Variants in XKR4 observed in about 807,000 individuals in gnomAD.
The protein encoded by XKR4 is XK related 4.
In XKR4, 12 loss-of-function variants were observed where a neutral mutation model predicts 53.9. The observed-to-expected ratio is 0.22, with a 90% CI of 0.14 to 0.36. The LOEUF (loss-of-function observed/expected upper bound fraction) is 0.36, where lower values mean the gene tolerates loss of function less well. Among genes scored for constraint, XKR4 ranks in the 10% least tolerant of loss-of-function variants. The pLI, the probability that XKR4 is intolerant of heterozygous loss-of-function variation, is 1.00. For synonymous variants in XKR4, 354 were observed against 362.4 expected (o/e 0.98, Z 0.26); for missense variants, 799 against 859.5 (o/e 0.93, Z 0.88).
chr8:55,349,649 A>G (rs1803699486), intron 1 of XKR4, among the ~76,000 whole-genome samples: 1 of 152,224 alleles, frequency 6.6e-6, no homozygotes, highest in South Asian at 2.1e-4. Context: ...AAATCACAGA[A>G]TAATAAATAC....
chr8:55,506,531 A>G (rs1041141997), intron 2 of XKR4, among the ~76,000 whole-genome samples: 1 of 152,194 alleles, frequency 6.6e-6, no homozygotes, highest in African/African-American at 2.4e-5. Flanking sequence ...TCAACACCCC[A>G]TCTTCCACCT....
At chr8:55,453,600 G>A in intron 2 of XKR4, 1 of 408,174 alleles carries the variant, frequency 2.4e-6, no homozygotes, top group South Asian at 2.0e-5. Context: ...ATGGCTAGGG[G>A]TGCACCTTGC....
At chr8:55,273,050 G>T (rs1380109937) in intron 1 of XKR4, 1 of 355,564 alleles carries the variant, frequency 2.8e-6, no homozygotes, top group Admixed American at 4.1e-5. Flanking sequence ...TTCAATGGAA[G>T]AAAACATTAC....
intron 2 of XKR4, among the ~76,000 whole-genome samples, chr8:55,446,002 A>G (rs1805341124): frequency 6.6e-6 from 1 of 152,196 alleles, no homozygotes; most frequent in Non-Finnish European, 1.5e-5. Context: ...TGTGTGAGCC[A>G]TTTCTGTCTG....
chr8:55,236,514 A>G (rs116934351), intron 1 of XKR4, among the ~76,000 whole-genome samples: 4,934 of 152,264 alleles, frequency 0.032, 119 homozygotes, highest in Non-Finnish European at 0.052. Flanking sequence ...AGGCTGGCCC[A>G]CAGAGCTGTC....
At chr8:55,495,482 T>C (rs1848087) in intron 2 of XKR4, among the ~76,000 whole-genome samples, 71,709 of 152,078 alleles carry the variant, frequency 0.47, 18,528 homozygotes, top group African/African-American at 0.69. Context: ...TCCAGGTTCT[T>C]GCTGTGCCCC....
chr8:55,418,638 A>G (rs1450471254), intron 2 of XKR4, among the ~76,000 whole-genome samples: 1 of 152,120 alleles, frequency 6.6e-6, no homozygotes, highest in Non-Finnish European at 1.5e-5. Context: ...CTGTGAAAAC[A>G]CAAAGCCAGT....
intron 1 of XKR4, among the ~76,000 whole-genome samples, chr8:55,288,562 T>C (rs4738044): frequency 0.36 from 54,645 of 152,108 alleles, 12,025 homozygotes; most frequent in Non-Finnish European, 0.49. Flanking sequence ...TTGGAGAATA[T>C]TTAAGCTCAG....
chr8:55,485,913 A>T (rs1806183160), intron 2 of XKR4, among the ~76,000 whole-genome samples: 1 of 152,206 alleles, frequency 6.6e-6, no homozygotes, highest in African/African-American at 2.4e-5. Flanking sequence ...GCCCAAAAAC[A>T]TAATTCTGGA....
At chr8:55,185,873 A>G (rs1293170137) in intron 1 of XKR4, among the ~76,000 whole-genome samples, 1 of 152,204 alleles carries the variant, frequency 6.6e-6, no homozygotes, top group African/African-American at 2.4e-5. Flanking sequence ...TGGGGACTTC[A>G]TGCAGTCAAA....
At chr8:55,360,067 C>A (rs1280557992) in intron 2 of XKR4, among the ~76,000 whole-genome samples, 1 of 152,096 alleles carries the variant, frequency 6.6e-6, no homozygotes, top group Non-Finnish European at 1.5e-5. Flanking sequence ...CCAAAGGTGG[C>A]CAAAAGACAG....
intron 1 of XKR4, among the ~76,000 whole-genome samples, chr8:55,163,778 T>G (rs1042508026): frequency 6.6e-6 from 1 of 152,008 alleles, no homozygotes; most frequent in Non-Finnish European, 1.5e-5. Context: ...TCAGGAGGCA[T>G]AGGTTGCAGT....
At chr8:55,321,463 G>T (rs994806322) in intron 1 of XKR4, among the ~76,000 whole-genome samples, 3 of 152,064 alleles carry the variant, frequency 2.0e-5, no homozygotes, top group Admixed American at 2.0e-4. Flanking sequence ...TCTCACGGAG[G>T]GTGTTACTGA....
At chr8:55,294,810 CT>C (rs2129375943) in intron 1 of XKR4, among the ~76,000 whole-genome samples, 1 of 152,264 alleles carries the variant, frequency 6.6e-6, no homozygotes, top group African/African-American at 2.4e-5. Context: ...TTGTTTCTGG[CT>C]GTGCAATCGA....
At position 55,358,566 on chromosome 8, in the gene XKR4, C is replaced by T. The variant is rs576061035; in HGVS notation, c.1006+689C>T. On this transcript the variant is annotated intron_variant, in intron 2 of 2. Coordinates refer to ENST00000327381, the MANE Select transcript of XKR4 (RefSeq NM_052898.2). ...GAGCTGCCAGGCATTTCTTTAAAGCCTGCTGCTCAAATCCTTTCTAGAATA... is the reference window on the plus strand; with the variant it reads ...GAGCTGCCAGGCATTTCTTTAAAGCTTGCTGCTCAAATCCTTTCTAGAATA... 2.0e-5 allele frequency among the ~76,000 whole-genome samples: 3 copies of T among 152,268 alleles called. No individual in the cohort carries two copies. The South Asian group carries it at 6.2e-4, about 32-fold the overall frequency.
chr8:55,238,544 G>T (rs901016426), intron 1 of XKR4, among the ~76,000 whole-genome samples: 1 of 152,126 alleles, frequency 6.6e-6, no homozygotes. Flanking sequence ...CCCTGACCTG[G>T]AGTTACACAT....
chr8:55,476,519 A>G (rs11986149), intron 2 of XKR4, among the ~76,000 whole-genome samples: 52,173 of 151,810 alleles, frequency 0.34, 10,923 homozygotes, highest in African/African-American at 0.6. Flanking sequence ...TTCCATCTGA[A>G]GTACTGGGTT....
chr8:55,249,299 G>T (rs892861730), intron 1 of XKR4, among the ~76,000 whole-genome samples: 1 of 152,204 alleles, frequency 6.6e-6, no homozygotes, highest in Non-Finnish European at 1.5e-5. Context: ...TGCTCCTTTT[G>T]CTGGAGCCAC....
chr8:55,298,761 C>G (rs1819137478), intron 1 of XKR4, among the ~76,000 whole-genome samples: 1 of 152,096 alleles, frequency 6.6e-6, no homozygotes, highest in African/African-American at 2.4e-5. Flanking sequence ...CATGCACACA[C>G]ATGTATATGT....
Sources: gnomAD v4.1 joint callset for allele counts (sites outside exome capture counted in the v4.1 genomes callset) on GRCh38, gnomAD v4.1.1 for gene constraint, MANE v1.5 for transcripts, NCBI Gene and HGNC (gene_info 2026-07-23, HGNC 2026-07-21) for gene names.